Variants in SYTL3 observed in about 807,000 individuals in gnomAD.
The protein encoded by SYTL3 is synaptotagmin like 3.
SYTL3 carries 88 observed loss-of-function variants against 82.1 expected under a neutral mutation model. The observed-to-expected ratio is 1.07, with a 90% confidence interval of 0.90 to 1.28. The LOEUF (loss-of-function observed/expected upper bound fraction) is 1.28, where lower values mean the gene tolerates loss of function less well. Ranked by LOEUF, SYTL3 falls within the 50% of genes most tolerant of loss-of-function variation. The pLI is 0.00. For synonymous variants in SYTL3, 311 were observed against 289.4 expected (o/e 1.07, Z -0.76); for missense variants, 831 against 757.6 (o/e 1.10, Z -1.14).
At chr6:158,677,607 AG>A (rs2128397041) in intron 5 of SYTL3, among the ~76,000 whole-genome samples, 1 of 147,666 alleles carries the variant, frequency 6.8e-6, no homozygotes, top group Non-Finnish European at 1.5e-5. Flanking sequence ...TGGGAGGCTG[AG>A]GCGGAAGAAT....
intron 11 of SYTL3, 144 bp from the exon 12 acceptor site, chr6:158,745,336 A>G (rs1002903313): frequency 4.3e-6 from 3 of 693,938 alleles, no homozygotes; most frequent in African/African-American, 3.9e-5. Context: ...TATTTTGGCA[A>G]AGTACAAGCT....
At chr6:158,751,905 T>A in intron 12 of SYTL3, 23 bp from the exon 13 acceptor site, 1 of 1,571,374 alleles carries the variant, frequency 6.4e-7, no homozygotes, top group South Asian at 1.1e-5. Context: ...TCTCACTCTG[T>A]CCCCGCTGTG....
chr6:158,745,919 A>G (rs986333161), intron 12 of SYTL3, among the ~76,000 whole-genome samples: 1 of 152,194 alleles, frequency 6.6e-6, no homozygotes, highest in Non-Finnish European at 1.5e-5. Context: ...GGAGTGTCTT[A>G]GTCCATTTCG....
chr6:158,730,949 A>G (rs1206301973), intron 11 of SYTL3, among the ~76,000 whole-genome samples: 4 of 152,202 alleles, frequency 2.6e-5, no homozygotes, highest in Admixed American at 6.5e-5. Flanking sequence ...AAAAGTCCCC[A>G]TTAGGGGGGA....
At chr6:158,745,341 C>A in intron 11 of SYTL3, 139 bp from the exon 12 acceptor site, 1 of 741,732 alleles carries the variant, frequency 1.3e-6, no homozygotes, top group Non-Finnish European at 2.1e-6. Context: ...TGGCAAAGTA[C>A]AAGCTGGTGC....
chr6:158,756,026 A>G (rs182744283), intron 13 of SYTL3, among the ~76,000 whole-genome samples: 2 of 152,246 alleles, frequency 1.3e-5, no homozygotes, highest in South Asian at 2.1e-4. Flanking sequence ...AGATCAATGC[A>G]TCTAGAAAGC....
intron 6 of SYTL3, 42 bp from the exon 7 acceptor site, chr6:158,707,188 C>T: frequency 6.3e-7 from 1 of 1,586,320 alleles, no homozygotes; most frequent in Non-Finnish European, 8.6e-7. Flanking sequence ...TAGCTAAGTG[C>T]TATTCTTAAT....
intron 6 of SYTL3, among the ~76,000 whole-genome samples, chr6:158,693,855 C>T (rs377165915): frequency 0.086 from 8,223 of 95,242 alleles, 475 homozygotes; most frequent in Middle Eastern, 0.17. Context: ...TTTTTCTTTT[C>T]TTTTTTTTTT....
At chr6:158,688,081 A>C (rs539963865) in intron 6 of SYTL3, among the ~76,000 whole-genome samples, 3 of 152,126 alleles carry the variant, frequency 2.0e-5, no homozygotes, top group Non-Finnish European at 4.4e-5. Context: ...TGGCATAAAC[A>C]TTTTCCTATG....
chr6:158,734,094 CAAAAAAAAA>C (rs560547617), intron 11 of SYTL3, among the ~76,000 whole-genome samples: 1 of 74,544 alleles, frequency 1.3e-5, no homozygotes, highest in Non-Finnish European at 2.5e-5. Context: ...GACCCTGTCT[CAAAAAAAAA>C]AAAAAAAAAA....
intron 11 of SYTL3, among the ~76,000 whole-genome samples, chr6:158,727,094 C>T (rs866859201): frequency 5.3e-5 from 8 of 152,114 alleles, no homozygotes; most frequent in East Asian, 1.9e-4. Context: ...TCGTGATCCA[C>T]GTGCCTCGGC....
chr6:158,717,240 C>T (rs1783525820), intron 9 of SYTL3, among the ~76,000 whole-genome samples: 1 of 151,920 alleles, frequency 6.6e-6, no homozygotes, highest in Non-Finnish European at 1.5e-5. Context: ...CATCATTGCA[C>T]TCCATTCTGG....
chr6:158,699,349 G>A (rs760374105), intron 6 of SYTL3, among the ~76,000 whole-genome samples: 1 of 152,170 alleles, frequency 6.6e-6, no homozygotes, highest in Non-Finnish European at 1.5e-5. Flanking sequence ...GGGGGTTAGC[G>A]TCCTCAACTG....
chr6:158,665,765 G>A, intron 5 of SYTL3, 152 bp downstream of exon 5: 2 of 557,314 alleles, frequency 3.6e-6, no homozygotes, highest in Non-Finnish European at 6.3e-6. Flanking sequence ...TCTAGCCTTG[G>A]AAGTTATCTT....
intron 13 of SYTL3, among the ~76,000 whole-genome samples, chr6:158,754,991 G>GA (rs1206944706): frequency 1.3e-5 from 2 of 152,152 alleles, no homozygotes; most frequent in East Asian, 3.9e-4. Context: ...GGAATATGGG[G>GA]AATAATCACA....
At chr6:158,679,815 A>T (rs924455120) in intron 5 of SYTL3, among the ~76,000 whole-genome samples, 6 of 152,098 alleles carry the variant, frequency 3.9e-5, no homozygotes, top group African/African-American at 1.4e-4. Flanking sequence ...TCACTTAGGC[A>T]CTTTCACCTT....
intron 2 of SYTL3, among the ~76,000 whole-genome samples, chr6:158,654,140 C>G (rs1378551583): frequency 6.6e-6 from 1 of 152,194 alleles, no homozygotes; most frequent in Non-Finnish European, 1.5e-5. Context: ...CCACACGTCT[C>G]TCCCTGGGAA....
At chr6:158,761,371 T>C (rs1411969403) in intron 15 of SYTL3, among the ~76,000 whole-genome samples, 3 of 145,164 alleles carry the variant, frequency 2.1e-5, no homozygotes, top group East Asian at 2.0e-4. Context: ...GGCCCGATCT[T>C]GGCTCACTGC....
At chr6:158,758,245 C>A (rs1224166167) in intron 14 of SYTL3, among the ~76,000 whole-genome samples, 1 of 152,142 alleles carries the variant, frequency 6.6e-6, no homozygotes, top group African/African-American at 2.4e-5. Context: ...TTGAGACCAT[C>A]CTGGCTAACA....
Sources: gnomAD v4.1 joint callset for allele counts (sites outside exome capture counted in the v4.1 genomes callset) on GRCh38, gnomAD v4.1.1 for gene constraint, MANE v1.5 for transcripts, NCBI Gene and HGNC (gene_info 2026-07-23, HGNC 2026-07-21) for gene names.